ETFA: variants seen among roughly 807,000 people sequenced by gnomAD.
The protein encoded by ETFA is electron transfer flavoprotein subunit alpha, mitochondrial.
In ETFA, 22 loss-of-function variants were observed where a neutral mutation model predicts 46.2. The observed-to-expected ratio is 0.48, with a 90% CI of 0.34 to 0.68. The LOEUF (loss-of-function observed/expected upper bound fraction) is 0.68. ETFA is among the 30% of genes least tolerant of loss of function. ETFA has a pLI of 0.01. For synonymous variants in ETFA, 131 were observed against 139.9 expected (o/e 0.94, Z 0.45); for missense variants, 345 against 401.1 (o/e 0.86, Z 1.19).
intron 11 of ETFA, among the ~76,000 whole-genome samples, chr15:76,221,406 T>C (rs1172823902): frequency 6.6e-6 from 1 of 152,348 alleles, no homozygotes; most frequent in East Asian, 1.9e-4. Context: ...AAATGTGTGA[T>C]AGTGGTTGTG....
chr15:76,306,127 T>C (rs1029283446), intron 1 of ETFA, among the ~76,000 whole-genome samples: 5 of 152,120 alleles, frequency 3.3e-5, no homozygotes, highest in African/African-American at 1.2e-4. Flanking sequence ...GAAAAAAAGC[T>C]GGAATCTAAC....
chr15:76,227,530 G>GAAAAAAAAAAAA (rs1567196426), intron 10 of ETFA, among the ~76,000 whole-genome samples: 24 of 44,978 alleles, frequency 5.3e-4, no homozygotes, highest in African/African-American at 1.2e-3. Flanking sequence ...AAAAAAAAAG[G>GAAAAAAAAAAAA]AAAAGCTATC....
chr15:76,271,939 A>ACC (rs1491252232), intron 9 of ETFA, among the ~76,000 whole-genome samples: 1 of 145,524 alleles, frequency 6.9e-6, no homozygotes, highest in African/African-American at 2.6e-5. Flanking sequence ...ACACACACAC[A>ACC]CCCTGAGTTA....
At chr15:76,302,952 A>G (rs1244496351) in intron 1 of ETFA, among the ~76,000 whole-genome samples, 2 of 152,150 alleles carry the variant, frequency 1.3e-5, no homozygotes. Flanking sequence ...AGTAGCTAGG[A>G]CTACAGATGT....
At chr15:76,255,533 G>A (rs1008264872) in intron 9 of ETFA, among the ~76,000 whole-genome samples, 9 of 152,190 alleles carry the variant, frequency 5.9e-5, no homozygotes, top group African/African-American at 1.7e-4. Flanking sequence ...CCAGTGGTAC[G>A]TAACTTGCTG....
chr15:76,252,374 T>A (rs1050366702), intron 9 of ETFA, among the ~76,000 whole-genome samples: 1 of 152,146 alleles, frequency 6.6e-6, no homozygotes, highest in Non-Finnish European at 1.5e-5. Context: ...ATTTACACAC[T>A]CTCACCTCGT....
At chr15:76,275,964 GAATA>G (rs1357702252) in intron 8 of ETFA, among the ~76,000 whole-genome samples, 2 of 152,040 alleles carry the variant, frequency 1.3e-5, no homozygotes, top group African/African-American at 4.8e-5. Flanking sequence ...ATATGTAATT[GAATA>G]CAATGTTATT....
At chr15:76,295,933 A>ACTCTTTTTTTTTTTTTTT (rs1220872210) in intron 1 of ETFA, among the ~76,000 whole-genome samples, 196 bp from the exon 2 acceptor site, 1 of 58,510 alleles carries the variant, frequency 1.7e-5, no homozygotes, top group African/African-American at 5.2e-5. Flanking sequence ...TACCACTAAT[A>ACTCTTTTTTTTTTTTTTT]TTCTTTTTTT....
chr15:76,242,619 T>C (rs149155474), intron 9 of ETFA, among the ~76,000 whole-genome samples: 1 of 152,322 alleles, frequency 6.6e-6, no homozygotes, highest in East Asian at 1.9e-4. Context: ...CATTATTCAC[T>C]ATAGCTAAAA....
At position 76,295,583 on chromosome 15, in the gene ETFA, T is replaced by A. The variant is rs766676664; in HGVS notation, c.186+8A>T. The A allele has an allele frequency of 5.6e-6, 9 of 1,612,434 alleles. No individual in the cohort carries two copies. Among genetic ancestry groups the A allele is most frequent in the Non-Finnish European group, 1.7e-6 (2 of 1,178,528 alleles). ...TATTTGCTATGGCTGACCTTAAAAA[T>A]TTCTCACCTTGTCACATTTGGTTCC... On this transcript the variant is annotated splice_region_variant and intron_variant, in intron 2 of 11. Coordinates refer to ENST00000557943, the MANE Select transcript of ETFA (RefSeq NM_000126.4).
chr15:76,300,408 C>A (rs1256762480), intron 1 of ETFA, among the ~76,000 whole-genome samples: 2 of 152,154 alleles, frequency 1.3e-5, no homozygotes, highest in Non-Finnish European at 2.9e-5. Context: ...TCTGGGTTTT[C>A]TCTCAACCTT....
intron 11 of ETFA, among the ~76,000 whole-genome samples, chr15:76,222,066 T>C (rs1422044694): frequency 6.6e-6 from 1 of 151,970 alleles, no homozygotes; most frequent in African/African-American, 2.4e-5. Context: ...TGTACGCTAT[T>C]ATTTGACTTC....
chr15:76,259,507 C>T (rs537073202), intron 9 of ETFA: 340 of 847,520 alleles, frequency 4.0e-4, no homozygotes, highest in East Asian at 3.1e-3. Flanking sequence ...TCAGTGTTTT[C>T]GATGCCAGCG....
chr15:76,226,267 G>C (rs1178191841), intron 10 of ETFA: 8 of 243,238 alleles, frequency 3.3e-5, no homozygotes, highest in Non-Finnish European at 6.4e-5. Flanking sequence ...AAATTATTTT[G>C]TCCTTCATTT....
intron 2 of ETFA, among the ~76,000 whole-genome samples, chr15:76,293,011 C>A (rs2039782863): frequency 6.6e-6 from 1 of 152,096 alleles, no homozygotes; most frequent in Admixed American, 6.6e-5. Flanking sequence ...GTGGCGGGCA[C>A]CTGTAATCCC....
At chr15:76,273,285 G>A (rs562625668) in intron 9 of ETFA, among the ~76,000 whole-genome samples, 3 of 152,228 alleles carry the variant, frequency 2.0e-5, no homozygotes, top group South Asian at 2.1e-4. Context: ...GGCCGGGTGC[G>A]GTGGCTCACG....
chr15:76,216,815 C>T (rs1184167967), intron 11 of ETFA, among the ~76,000 whole-genome samples: 10 of 151,226 alleles, frequency 6.6e-5, no homozygotes, highest in Admixed American at 4.6e-4. Flanking sequence ...GCTTACAGCC[C>T]ACTCATTGCC....
rs2038890036 is a variant in ETFA at position 76,215,621 on chromosome 15, T to A, written c.*938A>T. 1 of 152,240 alleles carries A rather than the reference T, an allele frequency of 6.6e-6. No homozygotes were observed. The highest frequency in any genetic ancestry group is 1.5e-5 in the Non-Finnish European group (1 of 68,134). 9.4% of individuals were successfully genotyped at this position (152,240 alleles called of 1,614,324 possible). ...AGGCCTGTTCAAAGCCTCACCAGCC[T>A]CTGCTCTTGGGCCTGCATCCACACC... On this transcript the variant is annotated 3_prime_UTR_variant, in exon 12 of 12. Coordinates refer to ENST00000557943, the MANE Select transcript of ETFA (RefSeq NM_000126.4).
intron 9 of ETFA, among the ~76,000 whole-genome samples, chr15:76,267,733 T>C (rs1264056309): frequency 6.6e-6 from 1 of 152,232 alleles, no homozygotes; most frequent in African/African-American, 2.4e-5. Flanking sequence ...ATTAAAGTTT[T>C]TAAATTTATA....
Sources: gnomAD v4.1 joint callset for allele counts (sites outside exome capture counted in the v4.1 genomes callset) on GRCh38, gnomAD v4.1.1 for gene constraint, MANE v1.5 for transcripts, NCBI Gene and HGNC (gene_info 2026-07-23, HGNC 2026-07-21) for gene names.